Variants in CHAF1B observed in about 807,000 individuals in gnomAD.
The protein encoded by CHAF1B is CAF-1 subunit B.
Under a neutral mutation model 60.7 loss-of-function variants are expected in CHAF1B, and 10 were observed. The observed-to-expected ratio is 0.16, with a 90% CI of 0.10 to 0.28. CHAF1B has a LOEUF of 0.28. Ranked by LOEUF, CHAF1B falls within the 10% of genes least tolerant of loss-of-function variation. The pLI is 1.00. For missense variants in CHAF1B, 558 were observed against 708.4 expected (o/e 0.79, Z 2.41); for synonymous variants, 261 against 266.1 (o/e 0.98, Z 0.19).
intron 8 of CHAF1B, among the ~76,000 whole-genome samples, chr21:36,407,481 G>A (rs774965609): frequency 3.3e-5 from 5 of 152,128 alleles, no homozygotes; most frequent in Non-Finnish European, 7.3e-5. Context: ...ACTTTCATGA[G>A]TAGTTGATTG....
chr21:36,407,941 G>A (rs985982479), intron 8 of CHAF1B, among the ~76,000 whole-genome samples: 4 of 151,584 alleles, frequency 2.6e-5, no homozygotes, highest in East Asian at 1.9e-4. Context: ...TCACGCCATC[G>A]CACTCCAGCC....
Position 36,386,255 on chromosome 21 carries a change from A to G in CHAF1B, c.119A>G (p.Asn40Ser). 2 of 1,614,052 alleles carry G rather than the reference A, an allele frequency of 1.2e-6. No individual in the cohort carries two copies. Among genetic ancestry groups the G allele is most frequent in the Non-Finnish European group, 1.7e-6 (2 of 1,179,970 alleles). ...HRLASAGVDT[N>S]VRIWKVEKGP... ...CTGGCGTCTGCCGGCGTGGACACCAATGTCAGGGTAAACTGGGGCAGAGAT... is the reference window on the plus strand; with the variant it reads ...CTGGCGTCTGCCGGCGTGGACACCAGTGTCAGGGTAAACTGGGGCAGAGAT... The change falls in exon 2 of 14, where the codon AAT (asparagine) becomes AGT (serine). Residue 40 changes from asparagine to serine, a missense_variant. Asn to Ser is a conservative substitution (Grantham distance 46). This residue lies in a region of CHAF1B where 325 missense variants were observed against 493.5 expected (regional missense o/e 0.66). Transcript: ENST00000314103.
At chr21:36,399,672 T>TC in intron 7 of CHAF1B, 67 bp downstream of exon 7, 1 of 1,278,934 alleles carries the variant, frequency 7.8e-7, no homozygotes, top group Non-Finnish European at 1.1e-6. Flanking sequence ...CATGAGCTCC[T>TC]CCCATACCCT....
chr21:36,387,320 A>G (rs568596512), intron 2 of CHAF1B, among the ~76,000 whole-genome samples: 56 of 150,092 alleles, frequency 3.7e-4, no homozygotes, highest in African/African-American at 1.3e-3. Flanking sequence ...CCCGGGGCTC[A>G]AGTGATCCTC....
intron 12 of CHAF1B, among the ~76,000 whole-genome samples, chr21:36,414,434 A>G (rs986535897): frequency 2.6e-5 from 4 of 152,174 alleles, no homozygotes; most frequent in Non-Finnish European, 5.9e-5. Flanking sequence ...CAGATTAGCA[A>G]TGTATTTTAC....
At chr21:36,414,980 G>T (rs187622033) in intron 12 of CHAF1B, among the ~76,000 whole-genome samples, 1 of 152,298 alleles carries the variant, frequency 6.6e-6, no homozygotes, top group Admixed American at 6.5e-5. Flanking sequence ...AACCATATCT[G>T]ACTGCCTTTT....
intron 3 of CHAF1B, among the ~76,000 whole-genome samples, chr21:36,389,800 T>TGCGTGCGC (rs1555911825): frequency 8.0e-6 from 1 of 124,746 alleles, no homozygotes; most frequent in Non-Finnish European, 1.6e-5. Flanking sequence ...TGTGTGTGTG[T>TGCGTGCGC]GCGCGCGCAC....
chr21:36,415,386 T>G lies in CHAF1B; in HGVS notation c.1585T>G (p.Ser529Ala), dbSNP rs1419516353. ...CACCCCTTCTACAGAAGAAATTCAG[T>G]CAGGTAAGTAATATTGTTACTGGTT... ...ISTPSTEEIQ[S>A]ETPGDAQGSP... The change falls in exon 13 of 14, where the codon TCA becomes GCA. Residue 529 changes from serine to alanine, a missense_variant. By Grantham distance (99) the Ser-to-Ala change is moderately conservative (BLOSUM62 1). Around this residue, in one of 2 missense-constraint regions of CHAF1B, gnomAD observed 233 missense variants for 214.9 expected, o/e 1.08. Transcript: ENST00000314103. 1.9e-6 allele frequency: 3 copies of G among 1,571,242 alleles called. No individual in the cohort carries two copies. Among genetic ancestry groups the G allele is most frequent in the Non-Finnish European group, 2.6e-6 (3 of 1,141,114 alleles).
intron 3 of CHAF1B, among the ~76,000 whole-genome samples, chr21:36,391,176 A>AT (rs953266083): frequency 2.6e-5 from 4 of 152,076 alleles, no homozygotes; most frequent in African/African-American, 7.2e-5. Flanking sequence ...GTTTAAGGTG[A>AT]TTTTGTATAG....
At chr21:36,390,443 G>T (rs2086077565) in intron 3 of CHAF1B, among the ~76,000 whole-genome samples, 1 of 152,120 alleles carries the variant, frequency 6.6e-6, no homozygotes, top group Non-Finnish European at 1.5e-5. Context: ...GAAGCTAAGG[G>T]ATGGTCAGAA....
rs374395395 is a variant in CHAF1B at position 36,391,651 on chromosome 21, G to A, written c.360G>A (p.Thr120=). Residue 120 remains threonine (T), a synonymous_variant, in exon 4 of 14, where the codon ACG becomes ACA. Coordinates refer to ENST00000314103, the MANE Select transcript of CHAF1B (RefSeq NM_005441.3). ...CCCAGCTGAACAAGGAGAACTGGAC[G>A]GTTGTGAAGACTCTGCGGTAACTTG... ...DEAQLNKENW[T]VVKTLRGHLE... is the part of the protein sequence containing the mutation. The A allele has an allele frequency of 1.1e-5, 18 of 1,610,906 alleles. No homozygotes were observed. In the African/African-American group the frequency reaches 1.6e-4, roughly 14 times the overall value.
At chr21:36,387,044 A>G (rs887947169) in intron 2 of CHAF1B, among the ~76,000 whole-genome samples, 2 of 151,780 alleles carry the variant, frequency 1.3e-5, no homozygotes, top group Admixed American at 1.3e-4. Context: ...TTTTCCCTAG[A>G]TTATTGTAAC....
intron 6 of CHAF1B, among the ~76,000 whole-genome samples, chr21:36,398,631 A>G (rs904072129): frequency 6.6e-6 from 1 of 152,242 alleles, no homozygotes; most frequent in African/African-American, 2.4e-5. Context: ...AAGTGCTGGG[A>G]TTACAGGCGT....
intron 10 of CHAF1B, among the ~76,000 whole-genome samples, chr21:36,410,409 C>T (rs893769531): frequency 9.2e-5 from 14 of 152,216 alleles, no homozygotes; most frequent in African/African-American, 3.4e-4. Flanking sequence ...ACTCCCATTA[C>T]ACATGTATTA....
intron 8 of CHAF1B, among the ~76,000 whole-genome samples, chr21:36,406,432 C>T (rs756305878): frequency 1.3e-5 from 2 of 151,878 alleles, no homozygotes; most frequent in Non-Finnish European, 2.9e-5. Flanking sequence ...ATTACAGGCG[C>T]CGGCCACCAT....
intron 8 of CHAF1B, among the ~76,000 whole-genome samples, 183 bp from the exon 9 acceptor site, chr21:36,408,578 G>C (rs186611662): frequency 2.0e-5 from 3 of 152,190 alleles, no homozygotes; most frequent in Non-Finnish European, 4.4e-5. Flanking sequence ...ACTGGAGTAA[G>C]GGCTGAGAAC....
intron 5 of CHAF1B, 81 bp downstream of exon 5, chr21:36,394,731 T>G (rs912487998): frequency 3.1e-5 from 5 of 162,820 alleles, no homozygotes; most frequent in Non-Finnish European, 4.8e-5. Flanking sequence ...TTGCTTTAAC[T>G]TTTTTTTTTT....
intron 3 of CHAF1B, 36 bp downstream of exon 3, chr21:36,387,766 C>T: frequency 6.2e-7 from 1 of 1,610,462 alleles, no homozygotes; most frequent in Non-Finnish European, 8.5e-7. Flanking sequence ...TCTTCGGGAA[C>T]CAGATAGATA....
At chr21:36,415,532 C>T (rs751436532) in intron 13 of CHAF1B, 143 bp downstream of exon 13, 45 of 644,294 alleles carry the variant, frequency 7.0e-5, no homozygotes, top group South Asian at 4.3e-4. Context: ...TTAAACCCGC[C>T]GGCTGCCTGT....
Sources: allele counts gnomAD v4.1 joint callset (sites outside exome capture counted in the v4.1 genomes callset), GRCh38; gene constraint gnomAD v4.1.1; regional missense constraint gnomAD v4.1.1; transcripts MANE v1.5; gene names NCBI Gene and HGNC (gene_info 2026-07-23, HGNC 2026-07-21).